Variants in FBXO31 observed in about 807,000 individuals in gnomAD.
FBXO31 encodes the protein F-box protein 31.
FBXO31 carries 24 observed loss-of-function variants against 54.4 expected under a neutral mutation model. The observed-to-expected ratio is 0.44, with a 90% CI of 0.32 to 0.62. The LOEUF is 0.62. Among genes scored for constraint, FBXO31 ranks in the 20% least tolerant of loss-of-function variants. FBXO31 has a pLI of 0.05. For missense variants in FBXO31, 665 were observed against 787.1 expected, an observed-to-expected ratio of 0.84 and a Z score of 1.86; for synonymous variants, 388 against 335.6, an observed-to-expected ratio of 1.16 and a Z score of -1.71.
chr16:87,329,767 G>A lies in FBXO31; in HGVS notation c.*1521C>T, dbSNP rs565162909. Reference sequence around the variant, plus strand: ...GCTTTTCTCGTGAGTCTTTCTCCCAGGCCGGCCAGATTACCATTTAGGAAC... The same window carrying A: ...GCTTTTCTCGTGAGTCTTTCTCCCAAGCCGGCCAGATTACCATTTAGGAAC... On this transcript the variant is annotated 3_prime_UTR_variant, in exon 9 of 9. Coordinates refer to ENST00000311635, the MANE Select transcript of FBXO31 (RefSeq NM_024735.5). 5 of 152,370 alleles carry A rather than the reference G, an allele frequency of 3.3e-5. No individual in the cohort carries two copies. The highest frequency in any genetic ancestry group is 9.6e-5 in the African/African-American group (4 of 41,586). 9.4% of individuals were successfully genotyped at this position (152,370 alleles called of 1,614,324 possible).
intron 8 of FBXO31, among the ~76,000 whole-genome samples, chr16:87,332,983 C>T (rs991376161): frequency 2.6e-5 from 4 of 152,234 alleles, no homozygotes; most frequent in Non-Finnish European, 5.9e-5. Context: ...GCACTGTCCA[C>T]CAGCCACATG....
chr16:87,356,366 G>T (rs907021248), intron 2 of FBXO31, among the ~76,000 whole-genome samples: 1 of 152,162 alleles, frequency 6.6e-6, no homozygotes. Context: ...CTCAGAGGAA[G>T]GGCTGGTCAG....
intron 1 of FBXO31, among the ~76,000 whole-genome samples, chr16:87,364,232 G>C (rs1446824359): frequency 1.3e-5 from 2 of 152,246 alleles, no homozygotes; most frequent in Non-Finnish European, 2.9e-5. Flanking sequence ...CATCCCACAA[G>C]ACGCCTCACC....
chr16:87,357,342 T>C (rs968646857), intron 2 of FBXO31, among the ~76,000 whole-genome samples: 2 of 151,014 alleles, frequency 1.3e-5, no homozygotes, highest in African/African-American at 2.4e-5. Flanking sequence ...TTTTTTTTTT[T>C]TTTTGAGACA....
chr16:87,348,070 C>T (rs1905472332), intron 2 of FBXO31, among the ~76,000 whole-genome samples: 1 of 152,152 alleles, frequency 6.6e-6, no homozygotes, highest in Non-Finnish European at 1.5e-5. Context: ...GGGCCCTGCC[C>T]AGGCCTTCAC....
intron 1 of FBXO31, among the ~76,000 whole-genome samples, chr16:87,378,982 TATATAG>T (rs1419105317): frequency 1.3e-5 from 2 of 148,442 alleles, no homozygotes; most frequent in African/African-American, 5.0e-5. Context: ...AAAAACAAAA[TATATAG>T]ATATAGACAT....
chr16:87,354,468 CA>C (rs370591404), intron 2 of FBXO31, among the ~76,000 whole-genome samples: 41 of 141,876 alleles, frequency 2.9e-4, no homozygotes, highest in Admixed American at 4.2e-4. Flanking sequence ...GATCCTGTCT[CA>C]AAAAAAAAAA....
chr16:87,360,216 T>G (rs1043251117), intron 2 of FBXO31, 79 bp downstream of exon 2: 11 of 1,349,342 alleles, frequency 8.2e-6, no homozygotes, highest in Non-Finnish European at 1.2e-5. Context: ...CTAAATCACT[T>G]TGATTATTTG....
intron 1 of FBXO31, among the ~76,000 whole-genome samples, chr16:87,375,852 T>C (rs8048240): frequency 0.03 from 4,617 of 152,258 alleles, 107 homozygotes; most frequent in Middle Eastern, 0.12. Context: ...TCCCTTCACC[T>C]GCCCAAAGAA....
intron 1 of FBXO31, among the ~76,000 whole-genome samples, chr16:87,379,918 T>G: frequency 6.7e-6 from 1 of 149,800 alleles, no homozygotes; most frequent in East Asian, 2.0e-4. Context: ...AGAACTAAAA[T>G]GTATTAACAT....
At chr16:87,350,815 T>C (rs1223467279) in intron 2 of FBXO31, among the ~76,000 whole-genome samples, 1 of 152,200 alleles carries the variant, frequency 6.6e-6, no homozygotes, top group African/African-American at 2.4e-5. Flanking sequence ...CCAATGAGCC[T>C]GCCTCAGACG....
chr16:87,373,886 C>A (rs1012211974), intron 1 of FBXO31, among the ~76,000 whole-genome samples: 6 of 152,294 alleles, frequency 3.9e-5, no homozygotes, highest in African/African-American at 1.4e-4. Context: ...TCATTTTTAT[C>A]ATACAGATCA....
upstream of FBXO31, among the ~76,000 whole-genome samples, chr16:87,390,737 G>A (rs1907505997): frequency 6.6e-6 from 1 of 152,202 alleles, no homozygotes; most frequent in East Asian, 1.9e-4. Flanking sequence ...GCCGCACCTG[G>A]CGCGAGAAAT....
intron 5 of FBXO31, among the ~76,000 whole-genome samples, 179 bp downstream of exon 5, chr16:87,342,697 AT>A (rs555463406): frequency 6.6e-6 from 1 of 152,342 alleles, no homozygotes; most frequent in South Asian, 2.1e-4. Flanking sequence ...CGCCCGCACG[AT>A]GCTGTTCCTC....
chr16:87,348,980 C>T (rs1311493514), intron 2 of FBXO31, among the ~76,000 whole-genome samples: 2 of 152,288 alleles, frequency 1.3e-5, no homozygotes, highest in Non-Finnish European at 1.5e-5. Flanking sequence ...GCAGGAGGCA[C>T]ATAAGTCCAC....
intron 1 of FBXO31, among the ~76,000 whole-genome samples, chr16:87,379,611 C>T (rs1039160719): frequency 3.3e-5 from 5 of 152,188 alleles, no homozygotes. Context: ...CAGGAAGTCA[C>T]CTAGCTGCTC....
chr16:87,349,709 GAAAAA>G (rs59578146), intron 2 of FBXO31, among the ~76,000 whole-genome samples: 1 of 135,274 alleles, frequency 7.4e-6, no homozygotes, highest in African/African-American at 2.7e-5. Flanking sequence ...GACTCCATCT[GAAAAA>G]AAAAAAAAAT....
At chr16:87,379,776 C>T (rs369779373) in intron 1 of FBXO31, among the ~76,000 whole-genome samples, 2 of 151,814 alleles carry the variant, frequency 1.3e-5, no homozygotes, top group Admixed American at 6.6e-5. Context: ...TTAGTAGAGA[C>T]GGGGTTTCAC....
upstream of FBXO31, chr16:87,391,886 C>T (rs1037100390): frequency 1.3e-5 from 2 of 152,328 alleles, no homozygotes; most frequent in African/African-American, 4.8e-5. Context: ...CGGGCAGCAC[C>T]ACCAAGTCTC....
Sources: allele counts gnomAD v4.1 joint callset (sites outside exome capture counted in the v4.1 genomes callset), GRCh38; gene constraint gnomAD v4.1.1; transcripts MANE v1.5; gene names NCBI Gene and HGNC (gene_info 2026-07-23, HGNC 2026-07-21).